CEMIP: variants seen among roughly 807,000 people sequenced by gnomAD.
CEMIP encodes the protein cell migration-inducing and hyaluronan-binding protein.
In CEMIP, 105 loss-of-function variants were observed where a neutral mutation model predicts 156.9. That is an observed-to-expected ratio of 0.67 (90% confidence interval 0.57 to 0.79). The LOEUF (loss-of-function observed/expected upper bound fraction) is 0.79. CEMIP is among the 30% of genes least tolerant of loss of function. The probability of loss-of-function intolerance (pLI) is 0.00; values close to 1 mark genes in which losing one functional copy is unlikely to be tolerated. For synonymous variants in CEMIP, 676 were observed against 668.4 expected (o/e 1.01, Z -0.17); for missense variants, 1,457 against 1,769.4 (o/e 0.82, Z 3.17).
chr15:80,894,923 TA>T lies in CEMIP; in HGVS notation c.1087-65del, dbSNP rs1899159980. On this transcript the variant is annotated intron_variant, in intron 10 of 29. Transcript: ENST00000394685. ...ACTTCTGAGTATATGTTTAGAACAT[TA>T]ATCAGCACCTTCCTTCTCTATAAAA... The T allele has an allele frequency of 4.4e-6, 7 of 1,581,778 alleles. No individual in the cohort carries two copies. The Admixed American group carries it at 5.0e-5, about 11-fold the overall frequency.
At chr15:80,942,455 T>G (rs1901380757) in intron 27 of CEMIP, 118 bp downstream of exon 27, 19 of 866,708 alleles carry the variant, frequency 2.2e-5, no homozygotes, top group Middle Eastern at 3.2e-4. Flanking sequence ...AGGGGTGGTT[T>G]CCTCCAGGGG....
chr15:80,889,725 T>A, intron 10 of CEMIP, 133 bp downstream of exon 10: 2 of 1,121,988 alleles, frequency 1.8e-6, no homozygotes, highest in East Asian at 5.1e-5. Context: ...AGCCAAAGAG[T>A]ACCATTCCCA....
intron 1 of CEMIP, among the ~76,000 whole-genome samples, chr15:80,846,557 C>T (rs548014369): frequency 6.6e-6 from 1 of 152,310 alleles, no homozygotes; most frequent in South Asian, 2.1e-4. Flanking sequence ...CATCTTCTCA[C>T]CGGGGTGGTA....
At chr15:80,893,683 A>C (rs1372982462) in intron 10 of CEMIP, among the ~76,000 whole-genome samples, 1 of 152,218 alleles carries the variant, frequency 6.6e-6, no homozygotes, top group Non-Finnish European at 1.5e-5. Flanking sequence ...TGGCTGCTGC[A>C]GAGACCACCT....
At position 80,909,231 on chromosome 15, in the gene CEMIP, C is replaced by A; in HGVS notation, c.1722C>A (p.Pro574=). ...ACGAAAGGGGAGGTTATGACCCACC[C>A]ACATACATCAGGGACCTCTCCATCC... The part of the protein sequence containing the change: ...DVDERGGYDP[P]TYIRDLSIHH... Residue 574 remains proline (P), a synonymous_variant, in exon 14 of 30, where the codon CCC becomes CCA. Transcript: ENST00000394685. 1.2e-6 allele frequency: 2 copies of A among 1,614,094 alleles called. No individual in the cohort carries two copies. Among genetic ancestry groups the A allele is most frequent in the Non-Finnish European group, 1.7e-6 (2 of 1,180,020 alleles).
chr15:80,823,041 G>A (rs1311455110), intron 1 of CEMIP, among the ~76,000 whole-genome samples: 5 of 152,106 alleles, frequency 3.3e-5, no homozygotes, highest in African/African-American at 4.8e-5. Context: ...CTGGGCATCC[G>A]CTATTTTGCA....
intron 1 of CEMIP, among the ~76,000 whole-genome samples, chr15:80,850,048 T>C (rs1897675481): frequency 6.6e-6 from 1 of 152,170 alleles, no homozygotes; most frequent in African/African-American, 2.4e-5. Context: ...TGAATATGTG[T>C]TTGGGAAGGT....
chr15:80,791,527 C>T (rs1381520268), intron 1 of CEMIP, among the ~76,000 whole-genome samples: 7 of 152,136 alleles, frequency 4.6e-5, no homozygotes, highest in Non-Finnish European at 1.0e-4. Context: ...TCTTGTGGTT[C>T]GAGTCGCTGC....
chr15:80,827,671 C>T (rs1032580699), intron 1 of CEMIP, among the ~76,000 whole-genome samples: 4 of 152,096 alleles, frequency 2.6e-5, no homozygotes, highest in African/African-American at 9.7e-5. Context: ...CATTGCAAAC[C>T]ACCAAACAGA....
At chr15:80,942,794 G>A in intron 27 of CEMIP, 151 bp from the exon 28 acceptor site, 2 of 902,288 alleles carry the variant, frequency 2.2e-6, no homozygotes, top group Non-Finnish European at 1.9e-6. Flanking sequence ...ACTACTGAGG[G>A]CTACGAGGAG....
At chr15:80,789,980 C>G (rs1229589809) in intron 1 of CEMIP, among the ~76,000 whole-genome samples, 1 of 152,120 alleles carries the variant, frequency 6.6e-6, no homozygotes, top group Non-Finnish European at 1.5e-5. Context: ...GAACGAGGGG[C>G]AGAGAGGCAG....
rs776499391 is a variant in CEMIP at position 80,906,791 on chromosome 15, C to G, written c.1540C>G (p.His514Asp). The G allele has an allele frequency of 1.9e-5, 31 of 1,614,036 alleles. No individual in the cohort carries two copies. The highest frequency in any genetic ancestry group is 1.7e-4 in the African/African-American group (13 of 74,910). ...GGACAAATGCTACCCCTACAGAAAC[C>G]ACATCTGCAATTTCTTTGACTTCGA... is the stretch of plus-strand genomic sequence containing the variant. ...MEDKCYPYRN[H>D]ICNFFDFDTF... The change falls in exon 13 of 30, where the codon CAC (histidine) becomes GAC (aspartate). Residue 514 changes from histidine to aspartate, a missense_variant. Transcript: ENST00000394685. This position sits in a 1 kb window ranked among gnomAD's most constrained non-coding sequence, Gnocchi z 4.3.
intron 3 of CEMIP, among the ~76,000 whole-genome samples, chr15:80,874,417 T>G (rs968588461): frequency 6.6e-6 from 1 of 152,172 alleles, no homozygotes; most frequent in Non-Finnish European, 1.5e-5. Context: ...TCTCCCTAGT[T>G]TGTAAATGTT....
At chr15:80,900,630 G>GTC (rs1567090867) in intron 12 of CEMIP, among the ~76,000 whole-genome samples, 41 of 129,364 alleles carry the variant, frequency 3.2e-4, no homozygotes, top group Non-Finnish European at 4.9e-4. Context: ...GTGTGTGTGT[G>GTC]TGTGTGTGTG....
intron 1 of CEMIP, among the ~76,000 whole-genome samples, chr15:80,838,468 T>C (rs1275744022): frequency 2.0e-5 from 3 of 152,044 alleles, no homozygotes; most frequent in African/African-American, 7.2e-5. Context: ...CAGGCCTGGG[T>C]CCTGCATCAT....
chr15:80,825,353 T>A (rs1238916677), intron 1 of CEMIP, among the ~76,000 whole-genome samples: 1 of 152,200 alleles, frequency 6.6e-6, no homozygotes, highest in Non-Finnish European at 1.5e-5. Context: ...CAAGGTTAAA[T>A]GATGTGTCAA....
chr15:80,942,169 T>C, intron 26 of CEMIP, 82 bp from the exon 27 acceptor site: 1 of 1,499,056 alleles, frequency 6.7e-7, no homozygotes, highest in Non-Finnish European at 9.3e-7. Flanking sequence ...CATAAACCAT[T>C]TCCTGTGACT....
In CEMIP at chr15:80,932,903, C is replaced by CA. The variant is rs1472014539; in HGVS notation, c.2794-341dup. Among the ~76,000 whole-genome samples, 1 of 152,202 alleles carries CA rather than the reference C, an allele frequency of 6.6e-6. No homozygotes were observed. Among genetic ancestry groups the CA allele is most frequent in the Non-Finnish European group, 1.5e-5 (1 of 68,042 alleles). On this transcript the variant is annotated intron_variant, in intron 22 of 29. Coordinates refer to ENST00000394685, the MANE Select transcript of CEMIP (RefSeq NM_001293298.2). The surrounding 1 kb of genome is among the most constrained non-coding windows in gnomAD (Gnocchi z 4.5). ...ACATCACCCCCACCTCCCTCTCACA[C>CA]ACAGTCACACTCACAGTCCTCAGTC...
chr15:80,873,639 A>T lies in CEMIP; in HGVS notation c.-74A>T, dbSNP rs1898368270. On this transcript the variant is annotated 5_prime_UTR_variant, in exon 2 of 30. Coordinates refer to ENST00000394685, the MANE Select transcript of CEMIP (RefSeq NM_001293298.2). ...TGCAGGACACAGGCAGGACAACGGTAGGATTTTCATGCCCCGATCTGCCTG... is the reference window on the plus strand; with the variant it reads ...TGCAGGACACAGGCAGGACAACGGTTGGATTTTCATGCCCCGATCTGCCTG... The T allele has an allele frequency of 1.1e-5, 6 of 534,488 alleles. No homozygotes were observed. The highest frequency in any genetic ancestry group is 2.0e-5 in the Non-Finnish European group (6 of 293,284). The allele number at this position is 534,488 out of a possible 1,614,324, so 33.1% of individuals were successfully genotyped here. A position where few individuals can be genotyped will look rare whatever the true frequency, so the allele number is the denominator to read the frequency against.
Sources: gnomAD v4.1 joint callset for allele counts (sites outside exome capture counted in the v4.1 genomes callset) on GRCh38, gnomAD v4.1.1 for gene constraint, Gnocchi (gnomAD v3.1) non-coding constraint, MANE v1.5 for transcripts, NCBI Gene and HGNC (gene_info 2026-07-23, HGNC 2026-07-21) for gene names.